CC2D2A: variants seen among roughly 807,000 people sequenced by gnomAD.
CC2D2A encodes the protein coiled-coil and C2 domain-containing protein 2A.
In CC2D2A, 155 loss-of-function variants were observed where a neutral mutation model predicts 212.9. The observed-to-expected ratio is 0.73, with a 90% CI of 0.64 to 0.83. The LOEUF (loss-of-function observed/expected upper bound fraction) is 0.83, where lower values mean the gene tolerates loss of function less well. Ranked by LOEUF, CC2D2A falls within the 40% of genes least tolerant of loss-of-function variation. The pLI, the probability that CC2D2A is intolerant of heterozygous loss-of-function variation, is 0.00. For synonymous variants in CC2D2A, 667 were observed against 686.5 expected (o/e 0.97, Z 0.44); for missense variants, 1,856 against 1,956.2 (o/e 0.95, Z 0.97).
intron 16 of CC2D2A, among the ~76,000 whole-genome samples, chr4:15,539,069 A>T (rs930946277): frequency 1.3e-5 from 2 of 152,204 alleles, no homozygotes; most frequent in African/African-American, 2.4e-5. Flanking sequence ...AACATTTTTA[A>T]TACCTCACAT....
chr4:15,504,639 G>A (rs552212037), intron 6 of CC2D2A, among the ~76,000 whole-genome samples: 47 of 152,144 alleles, frequency 3.1e-4, no homozygotes, highest in Non-Finnish European at 5.0e-4. Context: ...GCTGGAAGTT[G>A]TAGAAGTAAA....
intron 3 of CC2D2A, among the ~76,000 whole-genome samples, chr4:15,479,546 C>T (rs572696555): frequency 6.6e-6 from 1 of 152,184 alleles, no homozygotes; most frequent in Admixed American, 6.5e-5. Flanking sequence ...TCCTAGCTCC[C>T]CCCTTGCTCA....
chr4:15,589,105 T>C (rs1033712908), intron 32 of CC2D2A, among the ~76,000 whole-genome samples: 1 of 151,986 alleles, frequency 6.6e-6, no homozygotes, highest in Non-Finnish European at 1.5e-5. Context: ...CCAAATCTAC[T>C]ATGCATTTAC....
At chr4:15,572,798 C>T (rs1202693274) in intron 28 of CC2D2A, among the ~76,000 whole-genome samples, 2 of 152,054 alleles carry the variant, frequency 1.3e-5, no homozygotes, top group African/African-American at 4.8e-5. Context: ...CAATCCGAGT[C>T]CCAAAACCTC....
At chr4:15,574,641 A>G (rs6449146) in intron 29 of CC2D2A, among the ~76,000 whole-genome samples, 84,121 of 152,054 alleles carry the variant, frequency 0.55, 23,514 homozygotes, top group Admixed American at 0.66. Context: ...CTCAATGTGA[A>G]GAAAATGAAA....
At chr4:15,583,950 CAA>C (rs990441363) in intron 30 of CC2D2A, among the ~76,000 whole-genome samples, 12 of 83,612 alleles carry the variant, frequency 1.4e-4, no homozygotes, top group Non-Finnish European at 1.2e-4. Context: ...GACTCCATCT[CAA>C]AAAAAAAAAA....
At chr4:15,505,758 C>T (rs1427683457) in intron 6 of CC2D2A, among the ~76,000 whole-genome samples, 1 of 152,156 alleles carries the variant, frequency 6.6e-6, no homozygotes, top group East Asian at 1.9e-4. Flanking sequence ...ACTTGTACTT[C>T]AAAGGAAACC....
chr4:15,479,347 G>A (rs1714468977), intron 3 of CC2D2A: 1 of 1,517,028 alleles, frequency 6.6e-7, no homozygotes, highest in Non-Finnish European at 8.9e-7. Flanking sequence ...TTGGTAAGAA[G>A]TTGTCCTCTG....
At chr4:15,559,308 C>G in intron 22 of CC2D2A, 51 bp downstream of exon 22, 1 of 1,210,200 alleles carries the variant, frequency 8.3e-7, no homozygotes, top group South Asian at 1.4e-5. Flanking sequence ...GAGCCAGCAC[C>G]CTAAGGTGGA....
intron 30 of CC2D2A, among the ~76,000 whole-genome samples, chr4:15,582,816 G>C (rs182083463): frequency 8.5e-5 from 13 of 152,110 alleles, no homozygotes; most frequent in African/African-American, 2.9e-4. Context: ...AAAAATTAAA[G>C]AAGAGGGAAC....
chr4:15,524,694 G>T (rs1310459297), intron 11 of CC2D2A, among the ~76,000 whole-genome samples: 2 of 147,548 alleles, frequency 1.4e-5, no homozygotes, highest in African/African-American at 2.5e-5. Flanking sequence ...CTCGTGATCT[G>T]CCCGCCTTGG....
intron 19 of CC2D2A, 45 bp from the exon 20 acceptor site, chr4:15,555,027 G>C (rs199959097): frequency 1.3e-6 from 2 of 1,579,090 alleles, no homozygotes; most frequent in African/African-American, 1.3e-5. Context: ...GATGCAAACT[G>C]TTCTGTGGTC....
intron 24 of CC2D2A, among the ~76,000 whole-genome samples, chr4:15,564,445 C>A (rs1311217394): frequency 6.6e-6 from 1 of 152,066 alleles, no homozygotes; most frequent in Non-Finnish European, 1.5e-5. Flanking sequence ...GTTTCAAGCA[C>A]CATGGTAGGC....
chr4:15,550,127 T>C (rs1718921130), intron 17 of CC2D2A, among the ~76,000 whole-genome samples: 1 of 152,016 alleles, frequency 6.6e-6, no homozygotes, highest in Non-Finnish European at 1.5e-5. Flanking sequence ...GAGCCAAGGG[T>C]CCAACTGAGG....
chr4:15,528,813 A>G (rs2109025291), intron 13 of CC2D2A, 87 bp downstream of exon 13: 2 of 848,940 alleles, frequency 2.4e-6, no homozygotes, highest in East Asian at 2.5e-5. Flanking sequence ...CTTTTTCTGA[A>G]TGCAATGAAT....
chr4:15,533,078 G>C (rs537196451), intron 13 of CC2D2A, 115 bp from the exon 14 acceptor site: 5 of 787,676 alleles, frequency 6.3e-6, no homozygotes, highest in Non-Finnish European at 9.6e-6. Flanking sequence ...TTCTGTACTT[G>C]TTTCAAAATA....
chr4:15,601,157 T>C, intron 36 of CC2D2A, 80 bp from the exon 37 acceptor site: 1 of 1,162,604 alleles, frequency 8.6e-7, no homozygotes, highest in Non-Finnish European at 1.2e-6. Flanking sequence ...ACACTTATCT[T>C]AATTGCATAC....
chr4:15,551,288 CA>C (rs1446785466), intron 18 of CC2D2A, among the ~76,000 whole-genome samples: 1 of 152,126 alleles, frequency 6.6e-6, no homozygotes, highest in Non-Finnish European at 1.5e-5. Context: ...GAAAGGAGGA[CA>C]AACATGTATG....
intron 11 of CC2D2A, among the ~76,000 whole-genome samples, chr4:15,524,608 G>A (rs555904617): frequency 7.3e-5 from 11 of 151,536 alleles, no homozygotes; most frequent in South Asian, 4.2e-4. Context: ...CCGCCACCAC[G>A]CTCGGCTAAT....
Sources: gnomAD v4.1 joint callset for allele counts (sites outside exome capture counted in the v4.1 genomes callset) on GRCh38, gnomAD v4.1.1 for gene constraint, MANE v1.5 for transcripts, NCBI Gene and HGNC (gene_info 2026-07-23, HGNC 2026-07-21) for gene names.